Variants in EYS observed in about 807,000 individuals in gnomAD.
EYS encodes protein eyes shut homolog.
Under a neutral mutation model 282.1 loss-of-function variants are expected in EYS, and 250 were observed. The ratio of observed to expected loss-of-function variants is 0.89; its 90% CI spans 0.80 to 0.98. EYS has a LOEUF of 0.98. EYS is among the 50% of genes least tolerant of loss of function. The pLI, the probability that EYS is intolerant of heterozygous loss-of-function variation, is 0.00. For missense variants in EYS, 4,016 were observed against 3,709.0 expected, an observed-to-expected ratio of 1.08 and a Z score of -2.15; for synonymous variants, 1,355 against 1,282.9, an observed-to-expected ratio of 1.06 and a Z score of -1.20.
intron 22 of EYS, among the ~76,000 whole-genome samples, chr6:64,794,495 G>C (rs1205683207): frequency 1.3e-5 from 2 of 152,112 alleles, no homozygotes; most frequent in Non-Finnish European, 2.9e-5. Context: ...TGCCCACCAT[G>C]TGAAGATGTG....
chr6:65,278,737 G>A (rs1378277050), intron 12 of EYS, among the ~76,000 whole-genome samples: 1 of 151,970 alleles, frequency 6.6e-6, no homozygotes. Flanking sequence ...TTTCTATTGT[G>A]CCAGATGACA....
In EYS at chr6:64,814,571, C is replaced by T. The variant is rs138512066; in HGVS notation, c.3244-994G>A. ...ATCATACCATATGCTTTTAAGTTTA[C>T]AGTTTAGGGTTTATATATATACTTA... On this transcript the variant is annotated intron_variant, in intron 21 of 42. Transcript: ENST00000503581. Among the ~76,000 whole-genome samples, 82 of 152,054 alleles carry T rather than the reference C, an allele frequency of 5.4e-4. No homozygotes were observed. In the East Asian group the frequency reaches 0.015, roughly 28 times the overall value.
intron 33 of EYS, among the ~76,000 whole-genome samples, chr6:64,018,288 A>T (rs569967546): frequency 3.9e-5 from 6 of 152,342 alleles, no homozygotes; most frequent in African/African-American, 1.4e-4. Context: ...TGTGACCTAG[A>T]TATAGTATAA....
chr6:65,663,454 A>G lies in EYS; in HGVS notation c.-447-23562T>C, dbSNP rs147423250. On this transcript the variant is annotated intron_variant, in intron 1 of 42. Transcript: ENST00000503581. ...CTAATTAGCAAAACTAAATATAGTCAAGAGATAGGAGAAGAAACTTAAAGA... is the reference window on the plus strand; with the variant it reads ...CTAATTAGCAAAACTAAATATAGTCGAGAGATAGGAGAAGAAACTTAAAGA... Among the ~76,000 whole-genome samples, 324 of 152,304 alleles carry G rather than the reference A, an allele frequency of 2.1e-3. 1 individual carries two copies. Among genetic ancestry groups the G allele is most frequent in the African/African-American group, 7.5e-3 (310 of 41,562 alleles).
intron 33 of EYS, among the ~76,000 whole-genome samples, chr6:64,049,600 A>G (rs1321987567): frequency 2.6e-5 from 4 of 152,172 alleles, no homozygotes; most frequent in African/African-American, 9.7e-5. Flanking sequence ...GCTTAGAGGC[A>G]GATAGAGGTG....
At chr6:65,500,786 A>C (rs1167667709) in intron 2 of EYS, among the ~76,000 whole-genome samples, 1 of 151,922 alleles carries the variant, frequency 6.6e-6, no homozygotes, top group East Asian at 1.9e-4. Flanking sequence ...ATAATCCTAA[A>C]GTAAATAAAC....
At chr6:63,954,015 G>T (rs1765709329) in intron 35 of EYS, among the ~76,000 whole-genome samples, 2 of 152,136 alleles carry the variant, frequency 1.3e-5, no homozygotes, top group African/African-American at 4.8e-5. Context: ...CACACCTGAT[G>T]CATATACTTT....
At chr6:63,923,245 A>C (rs1764622173) in intron 35 of EYS, among the ~76,000 whole-genome samples, 1 of 152,232 alleles carries the variant, frequency 6.6e-6, no homozygotes, top group South Asian at 2.1e-4. Flanking sequence ...TTAAAATTAC[A>C]AGACAAAAGG....
At chr6:64,564,804 G>T (rs539942259) in intron 26 of EYS, among the ~76,000 whole-genome samples, 1 of 151,886 alleles carries the variant, frequency 6.6e-6, no homozygotes, top group African/African-American at 2.4e-5. Context: ...TGGGGGTCGG[G>T]GGCTAGGGGA....
chr6:65,444,289 G>A (rs1280382564), intron 5 of EYS, among the ~76,000 whole-genome samples: 1 of 151,890 alleles, frequency 6.6e-6, no homozygotes, highest in Non-Finnish European at 1.5e-5. Flanking sequence ...TGGCTTTGTG[G>A]ATTCTAAAGA....
intron 26 of EYS, among the ~76,000 whole-genome samples, chr6:64,511,032 T>C (rs116082205): frequency 0.016 from 2,492 of 152,016 alleles, 23 homozygotes; most frequent in South Asian, 0.037. Context: ...TAATTCTGAA[T>C]AGCAAAGATG....
chr6:64,407,978 C>T (rs1773776436), intron 28 of EYS, among the ~76,000 whole-genome samples: 1 of 152,048 alleles, frequency 6.6e-6, no homozygotes, highest in African/African-American at 2.4e-5. Flanking sequence ...GGTGATTGAC[C>T]CGCCTCTTCA....
rs142422678 is a variant in EYS, at chr6:64,238,702, T to C, written c.6192-7878A>G. Among the ~76,000 whole-genome samples, 43 of 152,296 alleles carry C rather than the reference T, an allele frequency of 2.8e-4. No individual in the cohort carries two copies. In the East Asian group the frequency reaches 8.3e-3, roughly 29 times the overall value. On this transcript the variant is annotated intron_variant, in intron 30 of 42. Transcript: ENST00000503581. ...TAAAACTACACCATCAATTATTTAG[T>C]AGTTTCTCTCTTGTAAAATGGTTAA... is the stretch of plus-strand genomic sequence containing the variant.
At chr6:64,020,971 T>G (rs1486816964) in intron 33 of EYS, among the ~76,000 whole-genome samples, 1 of 152,172 alleles carries the variant, frequency 6.6e-6, no homozygotes, top group Non-Finnish European at 1.5e-5. Flanking sequence ...ATCCTCTACA[T>G]TATATTGTGA....
At chr6:63,944,774 A>C (rs1269917628) in intron 35 of EYS, among the ~76,000 whole-genome samples, 2 of 152,064 alleles carry the variant, frequency 1.3e-5, no homozygotes, top group Non-Finnish European at 2.9e-5. Context: ...AAAAAAATAA[A>C]AATAAAAAAA....
At chr6:65,087,621 A>T (rs546708283) in intron 12 of EYS, among the ~76,000 whole-genome samples, 2 of 152,276 alleles carry the variant, frequency 1.3e-5, no homozygotes, top group East Asian at 3.9e-4. Flanking sequence ...TGAGTGGTGT[A>T]GTCCTGAAGT....
At chr6:65,439,131 T>C (rs906751926) in intron 5 of EYS, among the ~76,000 whole-genome samples, 5 of 152,210 alleles carry the variant, frequency 3.3e-5, no homozygotes, top group Non-Finnish European at 7.3e-5. Context: ...CCATTTCTTG[T>C]TTTTGTCAGG....
At chr6:65,330,619 T>A (rs1190045400) in intron 11 of EYS, 12 of 953,454 alleles carry the variant, frequency 1.3e-5, no homozygotes, top group Non-Finnish European at 1.5e-5. Context: ...AAAATACACT[T>A]TAAAAGAAAA....
At chr6:64,815,931 A>T (rs905103636) in intron 21 of EYS, among the ~76,000 whole-genome samples, 4 of 152,124 alleles carry the variant, frequency 2.6e-5, no homozygotes, top group African/African-American at 9.7e-5. Context: ...TGTGACAGTT[A>T]TCTCACTGAC....
Sources: gnomAD v4.1 joint callset for allele counts (sites outside exome capture counted in the v4.1 genomes callset) on GRCh38, gnomAD v4.1.1 for gene constraint, MANE v1.5 for transcripts, NCBI Gene and HGNC (gene_info 2026-07-23, HGNC 2026-07-21) for gene names.